The following CYP4F22 variants were observed in gnomAD, a reference collection of about 807,000 sequenced individuals.
The protein encoded by CYP4F22 is ultra-long-chain fatty acid omega-hydroxylase.
Under a neutral mutation model 60.4 loss-of-function variants are expected in CYP4F22, and 37 were observed. The observed-to-expected ratio is 0.61, with a 90% confidence interval of 0.47 to 0.81. CYP4F22 has a LOEUF of 0.81. Among genes scored for constraint, CYP4F22 ranks in the 30% least tolerant of loss-of-function variants. The pLI is 0.00. For missense variants in CYP4F22, 655 were observed against 715.0 expected, an observed-to-expected ratio of 0.92 and a Z score of 0.96; for synonymous variants, 258 against 280.5, an observed-to-expected ratio of 0.92 and a Z score of 0.80.
intron 1 of CYP4F22, among the ~76,000 whole-genome samples, chr19:15,513,703 G>A (rs1233172237): frequency 6.6e-6 from 1 of 151,938 alleles, no homozygotes; most frequent in South Asian, 2.1e-4. Flanking sequence ...GTTTCACCGT[G>A]TTGTCCAGGC....
rs374190832 is a variant in CYP4F22, at chr19:15,537,979, C to G, written c.657C>G (p.Asn219Lys). The change falls in exon 7 of 14, where the codon AAC (asparagine) becomes AAG (lysine). Residue 219 changes from asparagine (N) to lysine (K), a missense_variant. Physicochemically the swap from Asn to Lys is moderately conservative, Grantham distance 94. Around this residue, in one of 3 missense-constraint regions of CYP4F22, gnomAD observed 430 missense variants for 457.1 expected, o/e 0.94. Coordinates refer to ENST00000269703, the MANE Select transcript of CYP4F22 (RefSeq NM_173483.4). ...DSLQKCVFSY[N>K]SNCQEKMSDY... ...TTCAGAAATGTGTCTTCAGCTACAA[C>G]AGCAACTGCCAAGAGTGAGTGTGAC... The G allele has an allele frequency of 5.8e-5, 94 of 1,614,026 alleles. 1 individual carries two copies. The highest frequency in any genetic ancestry group is 7.4e-5 in the Non-Finnish European group (87 of 1,180,016).
rs201517984 is a variant in CYP4F22 at position 15,548,283 on chromosome 19, A to G, written c.1270+42A>G. 77 of 1,612,466 alleles carry G rather than the reference A, an allele frequency of 4.8e-5. No individual in the cohort carries two copies. In the African/African-American group the frequency reaches 8.4e-4, roughly 18 times the overall value. On this transcript the variant is annotated intron_variant, in intron 11 of 13. Coordinates refer to ENST00000269703, the MANE Select transcript of CYP4F22 (RefSeq NM_173483.4). The stretch of plus-strand genomic sequence containing the variant: ...GCCTGCTGCTGGTGCACTGCCTCCA[A>G]TGATGTAGCTGCTCTATTGTCCACA...
At chr19:15,549,313 C>A in intron 12 of CYP4F22, 111 bp downstream of exon 12, 1 of 1,041,126 alleles carries the variant, frequency 9.6e-7, no homozygotes, top group Non-Finnish European at 1.5e-6. Context: ...CCCCTCCCCA[C>A]TCCGCATTTA....
intron 8 of CYP4F22, among the ~76,000 whole-genome samples, chr19:15,541,992 T>C (rs1396625319): frequency 2.0e-5 from 3 of 152,184 alleles, no homozygotes; most frequent in East Asian, 1.9e-4. Flanking sequence ...TGGATTCCAG[T>C]CCTGGCTCTG....
intron 1 of CYP4F22, among the ~76,000 whole-genome samples, chr19:15,511,758 A>G (rs1420389851): frequency 6.6e-6 from 1 of 152,204 alleles, no homozygotes; most frequent in Non-Finnish European, 1.5e-5. Flanking sequence ...AGAGGCATGT[A>G]TCTCGTACCT....
intron 7 of CYP4F22, among the ~76,000 whole-genome samples, chr19:15,538,734 A>G (rs1168569899): frequency 1.3e-5 from 2 of 152,216 alleles, no homozygotes; most frequent in African/African-American, 2.4e-5. Context: ...TTCCAGTTGG[A>G]TAAGGCAGAG....
chr19:15,527,377 C>T (rs1048627777), intron 3 of CYP4F22, among the ~76,000 whole-genome samples: 1 of 152,184 alleles, frequency 6.6e-6, no homozygotes, highest in Non-Finnish European at 1.5e-5. Flanking sequence ...AATCACTTCC[C>T]ACTCCTGTAA....
chr19:15,541,540 G>T (rs1032825559), intron 8 of CYP4F22, among the ~76,000 whole-genome samples: 2 of 152,184 alleles, frequency 1.3e-5, no homozygotes, highest in Middle Eastern at 3.4e-3. Flanking sequence ...TAGCGGAGGG[G>T]GGGTGGGCAG....
chr19:15,513,611 G>A (rs920465876), intron 1 of CYP4F22, among the ~76,000 whole-genome samples: 9 of 151,770 alleles, frequency 5.9e-5, no homozygotes, highest in Non-Finnish European at 1.3e-4. Flanking sequence ...TGATCTGCCC[G>A]CCTCGGCCTC....
chr19:15,516,775 C>T, intron 1 of CYP4F22: 1 of 586,516 alleles, frequency 1.7e-6, no homozygotes, highest in Non-Finnish European at 2.8e-6. Context: ...AAAGATAGTC[C>T]ACTTGCTCAG....
chr19:15,537,527 G>T lies in CYP4F22; in HGVS notation c.422-8G>T. 3 of 1,614,126 alleles carry T rather than the reference G, an allele frequency of 1.9e-6. No homozygotes were observed. The highest frequency in any genetic ancestry group is 2.5e-6 in the Non-Finnish European group (3 of 1,180,028). ...GAGAGGTCCCTAACCTCAGTCTTCT[G>T]GGCCCAGGGGATGGGCTGCTGCTCA... On this transcript the variant is annotated splice_region_variant and splice_polypyrimidine_tract_variant and intron_variant, in intron 5 of 13. Transcript: ENST00000269703.
chr19:15,540,412 G>A, intron 7 of CYP4F22, 38 bp from the exon 8 acceptor site: 6 of 1,613,808 alleles, frequency 3.7e-6, no homozygotes, highest in Non-Finnish European at 5.1e-6. Context: ...TATGCTAGGG[G>A]AAGGGGCTAC....
At chr19:15,517,060 A>G (rs181184628) in intron 1 of CYP4F22, among the ~76,000 whole-genome samples, 96 of 152,256 alleles carry the variant, frequency 6.3e-4, no homozygotes, top group Middle Eastern at 3.4e-3. Context: ...ACCTCAGGCA[A>G]TCCGCCCACC....
chr19:15,547,572 C>G (rs1284000324), intron 10 of CYP4F22, among the ~76,000 whole-genome samples: 1 of 152,072 alleles, frequency 6.6e-6, no homozygotes, highest in East Asian at 1.9e-4. Flanking sequence ...TTTGTAATCC[C>G]AGCACTTTGG....
At position 15,537,648 on chromosome 19, in the gene CYP4F22, G is replaced by A. The variant is rs758816247; in HGVS notation, c.535G>A (p.Ala179Thr). The change falls in exon 6 of 14, where the codon GCT becomes ACT. Residue 179 changes from alanine (A) to threonine (T), a missense_variant. Around this residue, in one of 3 missense-constraint regions of CYP4F22, gnomAD observed 430 missense variants for 457.1 expected, o/e 0.94. Coordinates refer to ENST00000269703, the MANE Select transcript of CYP4F22 (RefSeq NM_173483.4). Reference sequence around the variant, plus strand: ...TTACATGAAGATCTTCAACCAGAGCGCTGACATTATGCATGTGAGTCCTAA... The same window carrying A: ...TTACATGAAGATCTTCAACCAGAGCACTGACATTATGCATGTGAGTCCTAA... Reference protein sequence around the residue: ...KPYMKIFNQSADIMHAKWRHL... With the variant: ...KPYMKIFNQSTDIMHAKWRHL... 57 of 1,613,050 alleles carry A rather than the reference G, an allele frequency of 3.5e-5. No homozygotes were observed. Among genetic ancestry groups the A allele is most frequent in the African/African-American group, 1.5e-4 (11 of 74,930 alleles).
chr19:15,511,934 G>A (rs1971097091), intron 1 of CYP4F22, among the ~76,000 whole-genome samples: 3 of 152,228 alleles, frequency 2.0e-5, no homozygotes, highest in Admixed American at 2.0e-4. Context: ...ACCAGATAAT[G>A]CGGGCCCTGG....
chr19:15,537,355 C>A lies in CYP4F22; in HGVS notation c.368-6C>A, dbSNP rs368451031. Reference sequence around the variant, plus strand: ...TGAGTCACCATTTTCCCTTTGCCCTCCACAGCTGCCATCGCCCCCAAGGAT... The same window carrying A: ...TGAGTCACCATTTTCCCTTTGCCCTACACAGCTGCCATCGCCCCCAAGGAT... On this transcript the variant is annotated splice_region_variant and splice_polypyrimidine_tract_variant and intron_variant, in intron 4 of 13. Transcript: ENST00000269703. 7 of 1,614,000 alleles carry A rather than the reference C, an allele frequency of 4.3e-6. No homozygotes were observed. In the African/African-American group the frequency reaches 8.0e-5, roughly 18 times the overall value.
chr19:15,543,859 A>G (rs556801355), intron 8 of CYP4F22, 112 bp from the exon 9 acceptor site: 5 of 40,308 alleles, frequency 1.2e-4, no homozygotes, highest in Non-Finnish European at 1.6e-4. Context: ...TCCATCTCAG[A>G]AAAAAAAAAA....
chr19:15,549,240 T>TA, intron 12 of CYP4F22, 38 bp downstream of exon 12: 1 of 1,610,168 alleles, frequency 6.2e-7, no homozygotes, highest in Non-Finnish European at 8.5e-7. Flanking sequence ...CCTCAGGTCC[T>TA]CCCCTCCCCT....
Sources: gnomAD v4.1 joint callset for allele counts (sites outside exome capture counted in the v4.1 genomes callset) on GRCh38, gnomAD v4.1.1 for gene constraint, gnomAD v4.1.1 regional missense constraint, MANE v1.5 for transcripts, NCBI Gene and HGNC (gene_info 2026-07-23, HGNC 2026-07-21) for gene names.